The following CCDC178 variants were observed in gnomAD, a reference collection of about 807,000 sequenced individuals.
CCDC178 encodes the protein coiled-coil domain-containing protein 178.
Under a neutral mutation model 117.4 loss-of-function variants are expected in CCDC178, and 126 were observed. That is an observed-to-expected ratio of 1.07 (90% CI 0.93 to 1.24). The LOEUF is 1.24. CCDC178 is among the 50% of genes most tolerant of loss of function. CCDC178 has a pLI of 0.00. For missense variants in CCDC178, 1,030 were observed against 986.9 expected (o/e 1.04, Z -0.59); for synonymous variants, 283 against 313.4 (o/e 0.90, Z 1.02).
intron 21 of CCDC178, among the ~76,000 whole-genome samples, chr18:33,008,178 G>T (rs774817404): frequency 2.6e-5 from 4 of 152,088 alleles, no homozygotes; most frequent in Non-Finnish European, 5.9e-5. Flanking sequence ...TTAGTAACAG[G>T]ATTCAAGTTT....
chr18:33,177,942 T>G (rs1045514526), intron 20 of CCDC178, among the ~76,000 whole-genome samples: 1 of 152,196 alleles, frequency 6.6e-6, no homozygotes, highest in Non-Finnish European at 1.5e-5. Context: ...GAAATTCTTA[T>G]GTTCTCATGA....
At chr18:33,303,678 TAA>T (rs1555680881) in intron 11 of CCDC178, among the ~76,000 whole-genome samples, 2 of 148,522 alleles carry the variant, frequency 1.3e-5, no homozygotes, top group South Asian at 2.1e-4. Context: ...GTCTAGTTTT[TAA>T]AAAAAAAAAA....
At chr18:33,189,126 G>T (rs1360665966) in intron 20 of CCDC178, among the ~76,000 whole-genome samples, 1 of 152,052 alleles carries the variant, frequency 6.6e-6, no homozygotes, top group East Asian at 1.9e-4. Context: ...TTTCTTTGGG[G>T]TATCAGTTAG....
At chr18:33,046,003 G>A (rs1288642926) in intron 21 of CCDC178, among the ~76,000 whole-genome samples, 1 of 152,236 alleles carries the variant, frequency 6.6e-6, no homozygotes, top group African/African-American at 2.4e-5. Flanking sequence ...GAGAGGCGGA[G>A]GTTGGAGTGA....
intron 12 of CCDC178, among the ~76,000 whole-genome samples, chr18:33,273,962 G>C (rs530723711): frequency 6.6e-6 from 1 of 151,708 alleles, no homozygotes; most frequent in Non-Finnish European, 1.5e-5. Flanking sequence ...ACATGACATG[G>C]AGTGGGAGAA....
chr18:33,310,845 T>G (rs2062331700), intron 11 of CCDC178, among the ~76,000 whole-genome samples: 1 of 152,210 alleles, frequency 6.6e-6, no homozygotes, highest in Non-Finnish European at 1.5e-5. Context: ...CAGTGGCCTC[T>G]GCAGGCAACA....
intron 12 of CCDC178, among the ~76,000 whole-genome samples, chr18:33,278,914 C>T (rs1029310697): frequency 1.3e-5 from 2 of 152,080 alleles, no homozygotes; most frequent in African/African-American, 4.8e-5. Flanking sequence ...AACGTTCATG[C>T]TAAAAACTCT....
In CCDC178 at chr18:33,370,206, G is replaced by T. The variant is rs2063278464; in HGVS notation, c.209-17C>A. The T allele has an allele frequency of 1.3e-6, 2 of 1,551,696 alleles. No individual in the cohort carries two copies. Among genetic ancestry groups the T allele is most frequent in the Non-Finnish European group, 1.7e-6 (2 of 1,150,738 alleles). On this transcript the variant is annotated splice_polypyrimidine_tract_variant and intron_variant, in intron 5 of 22. Transcript: ENST00000383096. ...TATTCACCCCTAAAGAGAACAAATA[G>T]AAGTTCATTACTCATTCTATACAAA... is the stretch of plus-strand genomic sequence containing the variant.
chr18:33,088,653 T>G (rs1227641430), intron 21 of CCDC178, among the ~76,000 whole-genome samples: 1 of 152,122 alleles, frequency 6.6e-6, no homozygotes, highest in African/African-American at 2.4e-5. Context: ...TTACAAGTGT[T>G]CTATGAGGAT....
intron 22 of CCDC178, among the ~76,000 whole-genome samples, chr18:32,953,907 G>T (rs964137273): frequency 1.3e-5 from 2 of 152,262 alleles, no homozygotes; most frequent in South Asian, 4.1e-4. Flanking sequence ...AGATGTTAAT[G>T]CATAAGCTTC....
At chr18:33,105,953 C>A (rs1316296531) in intron 20 of CCDC178, among the ~76,000 whole-genome samples, 1 of 151,436 alleles carries the variant, frequency 6.6e-6, no homozygotes, top group Non-Finnish European at 1.5e-5. Flanking sequence ...TCACAGTTGC[C>A]AGTGGAAATG....
intron 3 of CCDC178, among the ~76,000 whole-genome samples, chr18:33,400,379 G>T (rs1347820707): frequency 6.6e-6 from 1 of 152,126 alleles, no homozygotes; most frequent in Admixed American, 6.5e-5. Flanking sequence ...CCCCAGCTAT[G>T]AAAGTTCTTC....
chr18:33,064,936 G>A lies in CCDC178; in HGVS notation c.2388+27825C>T, dbSNP rs114337553. Reference sequence around the variant, plus strand: ...ATAGTAAAATATTGTCATTTGAGACGACATGGATTGAACTGGAGGACATCA... The same window carrying A: ...ATAGTAAAATATTGTCATTTGAGACAACATGGATTGAACTGGAGGACATCA... On this transcript the variant is annotated intron_variant, in intron 21 of 22. Coordinates refer to ENST00000383096, the MANE Select transcript of CCDC178 (RefSeq NM_001105528.4). Among the ~76,000 whole-genome samples the A allele has an allele frequency of 1.7e-3, 255 of 151,676 alleles. 1 individual carries two copies. Among genetic ancestry groups the A allele is most frequent in the African/African-American group, 5.7e-3 (236 of 41,310 alleles).
At chr18:33,253,803 A>T (rs2059644794) in intron 14 of CCDC178, among the ~76,000 whole-genome samples, 2 of 151,880 alleles carry the variant, frequency 1.3e-5, no homozygotes, top group Admixed American at 1.3e-4. Flanking sequence ...ACCTGTATTC[A>T]AATCCTGATT....
rs561556374 is a variant in CCDC178 at position 33,122,629 on chromosome 18, A to G, written c.2239-29719T>C. The stretch of plus-strand genomic sequence containing the variant: ...TAGTCTTCTAAGGAATTAAAAACAA[A>G]CAGCCATGGACAGATGATAAATGAG... On this transcript the variant is annotated intron_variant, in intron 20 of 22. Coordinates refer to ENST00000383096, the MANE Select transcript of CCDC178 (RefSeq NM_001105528.4). Among the ~76,000 whole-genome samples the G allele has an allele frequency of 3.9e-5, 6 of 152,260 alleles. No homozygotes were observed. In the East Asian group the frequency reaches 1.2e-3, roughly 29 times the overall value.
chr18:33,103,984 A>C (rs546644028), intron 20 of CCDC178, among the ~76,000 whole-genome samples: 1 of 151,954 alleles, frequency 6.6e-6, no homozygotes, highest in East Asian at 1.9e-4. Context: ...CTGAGCAGGG[A>C]AGACAGAAAC....
intron 20 of CCDC178, among the ~76,000 whole-genome samples, chr18:33,183,717 G>T (rs151091752): frequency 0.012 from 1,768 of 152,004 alleles, 22 homozygotes; most frequent in South Asian, 0.044. Context: ...ATTCAGCTCT[G>T]CTCCCCCCAC....
At position 33,207,567 on chromosome 18, in the gene CCDC178, A is replaced by G. The variant is rs918580549; in HGVS notation, c.2238+4329T>C. ...TTCCCTGAGAAAATCATAATATCTA[A>G]AGTATGTTCATTGGGTATTAGCACA... On this transcript the variant is annotated intron_variant, in intron 20 of 22. Coordinates refer to ENST00000383096, the MANE Select transcript of CCDC178 (RefSeq NM_001105528.4). 2.0e-5 allele frequency among the ~76,000 whole-genome samples: 3 copies of G among 151,130 alleles called. No individual in the cohort carries two copies. The East Asian group carries it at 5.9e-4, about 30-fold the overall frequency.
At chr18:33,052,959 C>T (rs1286858216) in intron 21 of CCDC178, among the ~76,000 whole-genome samples, 1 of 152,080 alleles carries the variant, frequency 6.6e-6, no homozygotes, top group Non-Finnish European at 1.5e-5. Context: ...AGAAACTTTC[C>T]ACCCTAAAGC....
Sources: allele counts gnomAD v4.1 joint callset (sites outside exome capture counted in the v4.1 genomes callset), GRCh38; gene constraint gnomAD v4.1.1; transcripts MANE v1.5; gene names NCBI Gene and HGNC (gene_info 2026-07-23, HGNC 2026-07-21).